BST1: variants seen among roughly 807,000 people sequenced by gnomAD.
BST1 encodes ADP-ribosyl cyclase/cyclic ADP-ribose hydrolase 2.
Under a neutral mutation model 40.6 loss-of-function variants are expected in BST1, and 49 were observed. The ratio of observed to expected loss-of-function variants is 1.21; its 90% CI spans 0.96 to 1.53. The LOEUF (loss-of-function observed/expected upper bound fraction) is 1.53, where lower values mean the gene tolerates loss of function less well. Ranked by LOEUF, BST1 falls within the 40% of genes most tolerant of loss-of-function variation. The pLI, the probability that BST1 is intolerant of heterozygous loss-of-function variation, is 0.00. For synonymous variants in BST1, 157 were observed against 159.3 expected (o/e 0.99, Z 0.11); for missense variants, 423 against 395.9 (o/e 1.07, Z -0.58).
At chr4:15,770,435 T>A in the BST1 span, among the ~76,000 whole-genome samples, 1 of 152,158 alleles carries the variant, frequency 6.6e-6, no homozygotes, top group African/African-American at 2.4e-5. Context: ...CCAGGTGTGG[T>A]GGCTCACGTC....
chr4:15,724,291 C>T (rs11944132), intron 8 of BST1, among the ~76,000 whole-genome samples: 20,509 of 152,206 alleles, frequency 0.13, 2,600 homozygotes, highest in East Asian at 0.52. Context: ...GTTCTTCCAT[C>T]TACAAGGGAA....
intron 3 of BST1, 148 bp from the exon 4 acceptor site, chr4:15,711,659 G>A (rs1720211349): frequency 1.6e-6 from 1 of 635,814 alleles, no homozygotes; most frequent in African/African-American, 1.8e-5. Flanking sequence ...TGTGGATTGA[G>A]TGGGAAGAAC....
chr4:15,732,143 G>A lies in BST1; in HGVS notation c.*298G>A. The A allele has an allele frequency of 8.9e-7, 1 of 1,117,892 alleles. No individual in the cohort carries two copies. The allele number at this position is 1,117,892 out of a possible 1,614,324, so 69.2% of individuals were successfully genotyped here. A position where few individuals can be genotyped will look rare whatever the true frequency, so the allele number is the denominator to read the frequency against. Reference sequence around the variant, plus strand: ...GCTTGTATATTATCAAACATTTTAAGAGAATTCTAATAAAGCTGTATTTTA... The same window carrying A: ...GCTTGTATATTATCAAACATTTTAAAAGAATTCTAATAAAGCTGTATTTTA... On this transcript the variant is annotated 3_prime_UTR_variant, in exon 9 of 9. Transcript: ENST00000265016.
At chr4:15,727,153 A>G (rs1478272706) in intron 8 of BST1, among the ~76,000 whole-genome samples, 1 of 152,174 alleles carries the variant, frequency 6.6e-6, no homozygotes, top group Non-Finnish European at 1.5e-5. Context: ...TGATCATTTA[A>G]TGTTACTCAG....
chr4:15,707,227 T>C (rs1048136096), intron 2 of BST1, among the ~76,000 whole-genome samples: 1 of 152,210 alleles, frequency 6.6e-6, no homozygotes, highest in African/African-American at 2.4e-5. Context: ...CCAGTTCCCT[T>C]GATCATTTTT....
the BST1 span, among the ~76,000 whole-genome samples, chr4:15,762,840 G>C: frequency 6.6e-6 from 1 of 152,026 alleles, no homozygotes; most frequent in Non-Finnish European, 1.5e-5. Context: ...TTAGCATAAT[G>C]TCCTCCAGGT....
At chr4:15,753,768 C>T in the BST1 span, among the ~76,000 whole-genome samples, 13 of 152,194 alleles carry the variant, frequency 8.5e-5, no homozygotes, top group South Asian at 2.1e-4. Flanking sequence ...TCAGGAAAAT[C>T]GGAGGAGGTT....
intron 4 of BST1, 92 bp downstream of exon 4, chr4:15,711,981 C>T (rs908007483): frequency 3.2e-5 from 33 of 1,030,132 alleles, no homozygotes; most frequent in Non-Finnish European, 4.5e-5. Context: ...CAGGTCATCA[C>T]TCAACTTCTC....
downstream of BST1, chr4:15,736,178 C>G: frequency 8.0e-7 from 1 of 1,242,864 alleles, no homozygotes; most frequent in Non-Finnish European, 1.1e-6. Flanking sequence ...ACTGATCTCT[C>G]TGCTTCTGCT....
the BST1 span, among the ~76,000 whole-genome samples, chr4:15,749,855 T>C: frequency 1.3e-5 from 2 of 152,152 alleles, no homozygotes; most frequent in Admixed American, 6.5e-5. Context: ...CTTTGTAAAT[T>C]ATTTTAAAAT....
At chr4:15,714,789 G>C (rs906389908) in intron 4 of BST1, among the ~76,000 whole-genome samples, 2 of 152,158 alleles carry the variant, frequency 1.3e-5, no homozygotes, top group African/African-American at 4.8e-5. Context: ...TTGCGAGCGG[G>C]AGTGTGACTT....
intron 7 of BST1, among the ~76,000 whole-genome samples, chr4:15,720,155 T>C (rs1720733388): frequency 6.6e-6 from 1 of 152,008 alleles, no homozygotes; most frequent in Non-Finnish European, 1.5e-5. Context: ...TAGTAACCAC[T>C]CTCTAGATTT....
chr4:15,746,358 A>G, the BST1 span, among the ~76,000 whole-genome samples: 1 of 152,238 alleles, frequency 6.6e-6, no homozygotes, highest in Non-Finnish European at 1.5e-5. Context: ...TCCTGCTCCT[A>G]TAACATAATA....
At chr4:15,731,520 G>T in intron 8 of BST1, 1 of 1,061,716 alleles carries the variant, frequency 9.4e-7, no homozygotes. Context: ...TCTTGAAGCT[G>T]ATCTGCAACT....
chr4:15,772,814 G>A, the BST1 span, among the ~76,000 whole-genome samples: 1 of 152,300 alleles, frequency 6.6e-6, no homozygotes, highest in African/African-American at 2.4e-5. Flanking sequence ...AGTCCCAGAG[G>A]CAGAGGAGAG....
the BST1 span, among the ~76,000 whole-genome samples, chr4:15,771,135 G>A: frequency 6.6e-5 from 10 of 152,190 alleles, no homozygotes; most frequent in African/African-American, 2.4e-4. Context: ...TCAGTGCAGT[G>A]TAACTATGCA....
chr4:15,765,941 A>C, the BST1 span, among the ~76,000 whole-genome samples: 2 of 152,052 alleles, frequency 1.3e-5, no homozygotes, highest in Non-Finnish European at 2.9e-5. Flanking sequence ...GAATTTGTTT[A>C]ACAGCTATAA....
chr4:15,751,505 T>G, the BST1 span, among the ~76,000 whole-genome samples: 1 of 152,042 alleles, frequency 6.6e-6, no homozygotes, highest in Non-Finnish European at 1.5e-5. Flanking sequence ...CATTGGTCCA[T>G]AAAGGGAGGG....
the BST1 span, among the ~76,000 whole-genome samples, chr4:15,768,788 G>A: frequency 1.6e-4 from 25 of 152,048 alleles, no homozygotes; most frequent in African/African-American, 6.0e-4. Context: ...GAGCCACCGC[G>A]CCCGGCCGAT....
Sources: gnomAD v4.1 joint callset for allele counts (sites outside exome capture counted in the v4.1 genomes callset) on GRCh38, gnomAD v4.1.1 for gene constraint, MANE v1.5 for transcripts, NCBI Gene and HGNC (gene_info 2026-07-23, HGNC 2026-07-21) for gene names.